The following ATP2C1 variants were observed in gnomAD, a reference collection of about 807,000 sequenced individuals.
The protein encoded by ATP2C1 is calcium-transporting ATPase type 2C member 1.
In ATP2C1, 31 loss-of-function variants were observed where a neutral mutation model predicts 120.5. That is an observed-to-expected ratio of 0.26 (90% confidence interval 0.19 to 0.35). The LOEUF is 0.35. Ranked by LOEUF, ATP2C1 falls within the 10% of genes least tolerant of loss-of-function variation. The pLI is 1.00. For synonymous variants in ATP2C1, 351 were observed against 358.7 expected, an observed-to-expected ratio of 0.98 and a Z score of 0.24; for missense variants, 731 against 1,107.5, an observed-to-expected ratio of 0.66 and a Z score of 4.83.
chr3:130,874,141 G>T (rs1055220570), intron 1 of ATP2C1, among the ~76,000 whole-genome samples: 1 of 150,426 alleles, frequency 6.6e-6, no homozygotes, highest in African/African-American at 2.4e-5. Context: ...AAAAAGAAAA[G>T]ATAAGAAAAA....
chr3:130,931,896 C>T, intron 3 of ATP2C1, 126 bp from the exon 4 acceptor site: 1 of 688,414 alleles, frequency 1.5e-6, no homozygotes, highest in East Asian at 2.7e-5. Context: ...AGGTTGCTCT[C>T]ATAATAGACT....
intron 12 of ATP2C1, chr3:130,963,028 G>A (rs2108624933): frequency 6.6e-6 from 1 of 152,114 alleles, no homozygotes; most frequent in South Asian, 2.1e-4. Flanking sequence ...GTGGTAGAAT[G>A]AAGGGTTAAA....
intron 1 of ATP2C1, chr3:130,869,283 C>T (rs1281271691): frequency 1.2e-5 from 2 of 161,950 alleles, no homozygotes; most frequent in East Asian, 1.8e-4. Flanking sequence ...GGGACACAAA[C>T]ACTGCGGAAG....
chr3:130,934,034 G>A (rs1004941883), intron 4 of ATP2C1, among the ~76,000 whole-genome samples: 3 of 152,190 alleles, frequency 2.0e-5, no homozygotes, highest in Non-Finnish European at 4.4e-5. Flanking sequence ...CTGGTGTGAG[G>A]TCATTTAAAT....
At position 130,930,464 on chromosome 3, in the gene ATP2C1, C is replaced by G; in HGVS notation, c.55C>G (p.Pro19Ala). 1 of 1,613,416 alleles carries G rather than the reference C, an allele frequency of 6.2e-7. No homozygotes were observed. Among genetic ancestry groups the G allele is most frequent in the African/African-American group, 1.3e-5 (1 of 74,988 alleles). Residue 19 changes from proline to alanine, a missense_variant, in exon 3 of 28, where the codon CCT becomes GCT. By Grantham distance (27) the Pro-to-Ala change is conservative (BLOSUM62 -1). Around this residue, in one of 3 missense-constraint regions of ATP2C1, gnomAD observed 571 missense variants for 845.9 expected, o/e 0.67. Coordinates refer to ENST00000510168, the MANE Select transcript of ATP2C1 (RefSeq NM_001378687.1). ...TAATGGTGAAAATGAGACAATGATTCCTGTATTGACATCAAAAAAAGCAAG... is the reference window on the plus strand; with the variant it reads ...TAATGGTGAAAATGAGACAATGATTGCTGTATTGACATCAAAAAAAGCAAG... ...IPNGENETMIPVLTSKKASEL... is the reference protein window; with the variant it reads ...IPNGENETMIAVLTSKKASEL...
At chr3:130,979,930 G>A (rs541322578) in intron 19 of ATP2C1, among the ~76,000 whole-genome samples, 2 of 152,284 alleles carry the variant, frequency 1.3e-5, no homozygotes, top group African/African-American at 4.8e-5. Flanking sequence ...CCTCTAAACT[G>A]TAATTCATAC....
rs1026875840 is a variant in ATP2C1, at chr3:130,959,147, T to C, written c.833-128T>C. On this transcript the variant is annotated intron_variant, in intron 11 of 27. Coordinates refer to ENST00000510168, the MANE Select transcript of ATP2C1 (RefSeq NM_001378687.1). ...CCCTGTTTAATGGATTTTTATAAAA[T>C]CTTCTAATTGTGATCTGATATGCTT... is the stretch of plus-strand genomic sequence containing the variant. 1.5e-5 allele frequency: 10 copies of C among 663,948 alleles called. No individual in the cohort carries two copies. In the Admixed American group the frequency reaches 2.2e-4, roughly 14 times the overall value. The allele number at this position is 663,948 out of a possible 1,614,324, so 41.1% of individuals were successfully genotyped here. A position where few individuals can be genotyped will look rare whatever the true frequency, so the allele number is the denominator to read the frequency against.
chr3:130,905,440 T>TA (rs2058079139), intron 2 of ATP2C1, among the ~76,000 whole-genome samples: 1 of 152,076 alleles, frequency 6.6e-6, no homozygotes, highest in Admixed American at 6.6e-5. Flanking sequence ...TATATTGACT[T>TA]ACTTGTTTCA....
At chr3:131,010,009 G>A (rs1412249144) in intron 26 of ATP2C1, among the ~76,000 whole-genome samples, 1 of 152,030 alleles carries the variant, frequency 6.6e-6, no homozygotes, top group Non-Finnish European at 1.5e-5. Context: ...TGGTACACCA[G>A]CCAGCCAAAC....
chr3:130,893,895 C>A (rs763136707), upstream of ATP2C1: 9 of 981,636 alleles, frequency 9.2e-6, no homozygotes, highest in Non-Finnish European at 1.1e-5. Context: ...ATTGTCCATT[C>A]CGGGCCGAAG....
At position 130,930,155 on chromosome 3, in the gene ATP2C1, A is replaced by G. The variant is rs192702239; in HGVS notation, c.7-261A>G. On this transcript the variant is annotated intron_variant, in intron 2 of 27. Coordinates refer to ENST00000510168, the MANE Select transcript of ATP2C1 (RefSeq NM_001378687.1). ...TTTTTACTCTTATGTTGGTGGAGAA[A>G]TAGCGTGCTTTTCATTCAATGTGAA... 55 of 450,768 alleles carry G rather than the reference A, an allele frequency of 1.2e-4. No homozygotes were observed. The Admixed American group carries it at 1.8e-3, about 15-fold the overall frequency. 27.9% of individuals were successfully genotyped at this position (450,768 alleles called of 1,614,324 possible).
At position 130,894,788 on chromosome 3, in the gene ATP2C1, G is replaced by C; in HGVS notation, c.6+13G>C. 1 of 1,613,674 alleles carries C rather than the reference G, an allele frequency of 6.2e-7. No homozygotes were observed. Among genetic ancestry groups the C allele is most frequent in the East Asian group, 2.2e-5 (1 of 44,888 alleles). ...ATGGAAAATGAAGGTAAAGGCCCCT[G>C]GCCGACCGGTTGCAACGCGGAGTTG... On this transcript the variant is annotated intron_variant, in intron 2 of 27. Transcript: ENST00000510168. The surrounding 1 kb of genome is among the most constrained non-coding windows in gnomAD (Gnocchi z 4.5).
chr3:130,903,711 C>T (rs1028022739), intron 2 of ATP2C1, among the ~76,000 whole-genome samples: 2 of 147,748 alleles, frequency 1.4e-5, no homozygotes, highest in Non-Finnish European at 3.0e-5. Context: ...CCTTTCCTTT[C>T]CTTTCCTTTC....
In ATP2C1 at chr3:130,920,645, G is replaced by GAT. The variant is rs147149461; in HGVS notation, c.7-9770_7-9769dup. On this transcript the variant is annotated intron_variant, in intron 2 of 27. Coordinates refer to ENST00000510168, the MANE Select transcript of ATP2C1 (RefSeq NM_001378687.1). The stretch of plus-strand genomic sequence containing the variant: ...TCCAGCTTTGTTCTTTTACAAGATT[G>GAT]ATTTGGCTATTTATGGTCTTTTGTG... Among the ~76,000 whole-genome samples the GAT allele has an allele frequency of 5.0e-3, 758 of 152,238 alleles. 6 individuals are homozygous for GAT. Among genetic ancestry groups the GAT allele is most frequent in the African/African-American group, 0.017 (688 of 41,542 alleles).
chr3:130,948,945 G>C (rs943155880), intron 8 of ATP2C1, among the ~76,000 whole-genome samples: 2 of 152,136 alleles, frequency 1.3e-5, no homozygotes, highest in Non-Finnish European at 2.9e-5. Flanking sequence ...TAAATGTAAT[G>C]AGTAAATGTT....
At chr3:130,921,900 T>C (rs2058983659) in intron 2 of ATP2C1, among the ~76,000 whole-genome samples, 1 of 152,224 alleles carries the variant, frequency 6.6e-6, no homozygotes, top group Admixed American at 6.5e-5. Context: ...TCTATATTTA[T>C]TAAGGATATT....
chr3:130,893,580 G>A (rs1235778899), upstream of ATP2C1, among the ~76,000 whole-genome samples: 1 of 152,210 alleles, frequency 6.6e-6, no homozygotes, highest in East Asian at 1.9e-4. Context: ...TCCTTCCGTG[G>A]GCCTCAACGT....
intron 1 of ATP2C1, among the ~76,000 whole-genome samples, chr3:130,856,497 T>C (rs530506255): frequency 6.6e-6 from 1 of 152,232 alleles, no homozygotes; most frequent in Admixed American, 6.5e-5. Flanking sequence ...TTTAGCTCCA[T>C]AAAGTCAGTA....
At chr3:131,000,192 A>C (rs139075035) in intron 27 of ATP2C1, among the ~76,000 whole-genome samples, 2 of 152,318 alleles carry the variant, frequency 1.3e-5, no homozygotes, top group East Asian at 3.9e-4. Flanking sequence ...TGCATTTAAA[A>C]ATTAGTTTTC....
Sources: allele counts gnomAD v4.1 joint callset (sites outside exome capture counted in the v4.1 genomes callset), GRCh38; gene constraint gnomAD v4.1.1; regional missense constraint gnomAD v4.1.1; non-coding constraint Gnocchi (gnomAD v3.1); transcripts MANE v1.5; gene names NCBI Gene and HGNC (gene_info 2026-07-23, HGNC 2026-07-21).